PCDHA4: variants seen among roughly 807,000 people sequenced by gnomAD.
PCDHA4 encodes protocadherin alpha 4.
PCDHA4 carries 49 observed loss-of-function variants against 61.4 expected under a neutral mutation model. The ratio of observed to expected loss-of-function variants is 0.80; its 90% CI spans 0.63 to 1.01. The LOEUF is 1.01. Among genes scored for constraint, PCDHA4 ranks in the 50% least tolerant of loss-of-function variants. The pLI is 0.00. For missense variants in PCDHA4, 1,254 were observed against 1,235.8 expected (o/e 1.01, Z -0.22); for synonymous variants, 590 against 550.3 (o/e 1.07, Z -1.01).
In PCDHA4 at chr5:140,953,296, G is replaced by A. The variant is rs118116883; in HGVS notation, c.2386-25653G>A. 7.9e-5 allele frequency among the ~76,000 whole-genome samples: 12 copies of A among 152,162 alleles called. No individual in the cohort carries two copies. The East Asian group carries it at 1.5e-3, about 20-fold the overall frequency. Reference sequence around the variant, plus strand: ...TGCTCTTTATATGTGATTCAGGGACGGCAGAGATGTGGGAAGAATTTGATC... The same window carrying A: ...TGCTCTTTATATGTGATTCAGGGACAGCAGAGATGTGGGAAGAATTTGATC... On this transcript the variant is annotated intron_variant, in intron 1 of 3. Coordinates refer to ENST00000530339, the MANE Select transcript of PCDHA4 (RefSeq NM_018907.4).
Position 140,807,331 on chromosome 5 carries a change from C to T in PCDHA4, c.144C>T (p.Ile48=). 3 of 1,613,662 alleles carry T rather than the reference C, an allele frequency of 1.9e-6. No individual in the cohort carries two copies. Among genetic ancestry groups the T allele is most frequent in the South Asian group, 2.2e-5 (2 of 91,048 alleles). The part of the protein sequence containing the change: ...EAKHGTFVGR[I]AQDLGLELAE... The stretch of plus-strand genomic sequence containing the variant: ...AACACGGCACCTTCGTGGGCCGCAT[C>T]GCGCAGGACCTGGGACTGGAGCTGG... The change falls in exon 1 of 4, where the codon ATC becomes ATT. Residue 48 remains isoleucine, a synonymous_variant. Transcript: ENST00000530339.
chr5:140,844,775 A>G (rs959672555), intron 1 of PCDHA4, among the ~76,000 whole-genome samples: 1 of 149,266 alleles, frequency 6.7e-6, no homozygotes, highest in Non-Finnish European at 1.5e-5. Flanking sequence ...AAGATACTTT[A>G]TTTTGGTATC....
intron 1 of PCDHA4, chr5:140,883,965 T>A (rs781999874): frequency 1.9e-6 from 3 of 1,613,128 alleles, no homozygotes; most frequent in Non-Finnish European, 2.5e-6. Context: ...CCGGCGCTGC[T>A]GACGCCCGGG....
At position 140,809,203 on chromosome 5, in the gene PCDHA4, T is replaced by C; in HGVS notation, c.2016T>C (p.Ser672=). 6.2e-7 allele frequency: 1 copy of C among 1,613,798 alleles called. No homozygotes were observed. Among genetic ancestry groups the C allele is most frequent in the Non-Finnish European group, 8.5e-7 (1 of 1,179,880 alleles). Residue 672 remains serine (S), a synonymous_variant, in exon 1 of 4, where the codon AGT becomes AGC. Coordinates refer to ENST00000530339, the MANE Select transcript of PCDHA4 (RefSeq NM_018907.4). The stretch of plus-strand genomic sequence containing the variant: ...CTGTGCTGGTGTCACTTGTGGAGAG[T>C]GGACAGGCGCCAAAGGCCTCCTCAC... ...TATVLVSLVE[S]GQAPKASSRA... is the part of the protein sequence containing the mutation.
intron 1 of PCDHA4, among the ~76,000 whole-genome samples, chr5:140,943,453 G>T (rs545980639): frequency 3.3e-4 from 50 of 152,158 alleles, no homozygotes; most frequent in Admixed American, 2.6e-4. Context: ...GAATTGATAA[G>T]GCTAAATGTG....
intron 1 of PCDHA4, among the ~76,000 whole-genome samples, chr5:140,911,737 G>A (rs187858302): frequency 3.4e-4 from 51 of 152,238 alleles, no homozygotes; most frequent in African/African-American, 9.9e-4. Flanking sequence ...TTCGTGCCAA[G>A]GACTATCAGT....
chr5:140,853,333 G>A (rs905529637), intron 1 of PCDHA4: 2 of 983,832 alleles, frequency 2.0e-6, no homozygotes, highest in Middle Eastern at 5.3e-4. Context: ...ATCTTTTGAG[G>A]TCATTAGCAA....
rs2150362585 is a variant in PCDHA4 at position 140,843,552 on chromosome 5, C to T, written c.2385+33980C>T. On this transcript the variant is annotated intron_variant, in intron 1 of 3. Transcript: ENST00000530339. ...AAGCCCACTCTGGTGTGCTCCAGTG[C>T]GGTGGGGAGCTGGTCATACTCGCAA... 5.0e-6 allele frequency: 8 copies of T among 1,595,800 alleles called. 2 individuals carry two copies. The highest frequency in any genetic ancestry group is 1.1e-5 in the South Asian group (1 of 90,490).
rs2150270222 is a variant in PCDHA4 at position 140,836,801 on chromosome 5, A to C, written c.2385+27229A>C. On this transcript the variant is annotated intron_variant, in intron 1 of 3. Coordinates refer to ENST00000530339, the MANE Select transcript of PCDHA4 (RefSeq NM_018907.4). ...ACAATTAGTTCAATTGGTCTCCTTA[A>C]ATTTTCTTTCATAATTTCTTTTTTA... 27 of 1,338,446 alleles carry C rather than the reference A, an allele frequency of 2.0e-5. No homozygotes were observed. In the Admixed American group the frequency reaches 4.4e-4, roughly 22 times the overall value. 82.9% of individuals were successfully genotyped at this position (1,338,446 alleles called of 1,614,324 possible). A position where few individuals can be genotyped will look rare whatever the true frequency, so the allele number is the denominator to read the frequency against.
chr5:140,959,300 C>T (rs887685405), intron 1 of PCDHA4, among the ~76,000 whole-genome samples: 11 of 151,854 alleles, frequency 7.2e-5, no homozygotes, highest in African/African-American at 2.7e-4. Flanking sequence ...TCACTGAGCC[C>T]GGTGGTTGAA....
In PCDHA4 at chr5:140,883,112, A is replaced by G. The variant is rs141106500; in HGVS notation, c.2385+73540A>G. 408 of 1,614,156 alleles carry G rather than the reference A, an allele frequency of 2.5e-4. 3 individuals are homozygous for G. In the African/African-American group the frequency reaches 5.1e-3, roughly 20 times the overall value. ...AAATGGAGATATAGTTTACTCATTTAGAAGGCCTGTATGGCCTGCAGTGGT... is the reference window on the plus strand; with the variant it reads ...AAATGGAGATATAGTTTACTCATTTGGAAGGCCTGTATGGCCTGCAGTGGT... On this transcript the variant is annotated intron_variant, in intron 1 of 3. Coordinates refer to ENST00000530339, the MANE Select transcript of PCDHA4 (RefSeq NM_018907.4).
At chr5:140,943,789 T>C (rs2093567416) in intron 1 of PCDHA4, among the ~76,000 whole-genome samples, 1 of 152,228 alleles carries the variant, frequency 6.6e-6, no homozygotes, top group African/African-American at 2.4e-5. Flanking sequence ...TGGTCCTTTA[T>C]GCAAAGCAAA....
At position 140,944,959 on chromosome 5, in the gene PCDHA4, A is replaced by C. The variant is rs183198577; in HGVS notation, c.2386-33990A>C. Among the ~76,000 whole-genome samples, 72 of 152,254 alleles carry C rather than the reference A, an allele frequency of 4.7e-4. No individual in the cohort carries two copies. The East Asian group carries it at 0.012, about 25-fold the overall frequency. ...TTAGATGATTGTGAATAAGAGTATT[A>C]TCTTAACCTCTCTGGTGGGTCTACT... On this transcript the variant is annotated intron_variant, in intron 1 of 3. Coordinates refer to ENST00000530339, the MANE Select transcript of PCDHA4 (RefSeq NM_018907.4).
intron 1 of PCDHA4, among the ~76,000 whole-genome samples, chr5:140,873,335 T>C (rs192894155): frequency 6.6e-6 from 1 of 152,358 alleles, no homozygotes; most frequent in African/African-American, 2.4e-5. Flanking sequence ...CATACATTAC[T>C]CATCTCCAGA....
At chr5:140,937,614 C>A (rs561420642) in intron 1 of PCDHA4, among the ~76,000 whole-genome samples, 1 of 149,010 alleles carries the variant, frequency 6.7e-6, no homozygotes, top group Non-Finnish European at 1.5e-5. Flanking sequence ...GATACTCCAT[C>A]TAAAAAGAAA....
chr5:140,874,211 A>G (rs1257270226), intron 1 of PCDHA4, among the ~76,000 whole-genome samples: 1 of 152,220 alleles, frequency 6.6e-6, no homozygotes, highest in African/African-American at 2.4e-5. Context: ...CTTTATTATT[A>G]TATGCAGTAG....
chr5:140,949,992 G>A (rs2094439293), intron 1 of PCDHA4, among the ~76,000 whole-genome samples: 1 of 151,522 alleles, frequency 6.6e-6, no homozygotes, highest in African/African-American at 2.4e-5. Flanking sequence ...ACTTTTCTCA[G>A]TCCACTTAAT....
intron 1 of PCDHA4, among the ~76,000 whole-genome samples, chr5:140,978,211 A>T (rs185344384): frequency 1.3e-5 from 2 of 152,340 alleles, no homozygotes; most frequent in African/African-American, 4.8e-5. Flanking sequence ...AACTAATGCA[A>T]AATGTATCAG....
chr5:140,812,616 C>T (rs181748879), intron 1 of PCDHA4: 1 of 151,802 alleles, frequency 6.6e-6, no homozygotes. Flanking sequence ...TTTACAACTC[C>T]CTTCTTTGTT....
Sources: gnomAD v4.1 joint callset for allele counts (sites outside exome capture counted in the v4.1 genomes callset) on GRCh38, gnomAD v4.1.1 for gene constraint, MANE v1.5 for transcripts, NCBI Gene and HGNC (gene_info 2026-07-23, HGNC 2026-07-21) for gene names.